Variants in CNTN6 observed in about 807,000 individuals in gnomAD.
The protein encoded by CNTN6 is contactin-6.
Under a neutral mutation model 122.8 loss-of-function variants are expected in CNTN6, and 137 were observed. The observed-to-expected ratio is 1.12, with a 90% confidence interval of 0.97 to 1.29. The LOEUF (loss-of-function observed/expected upper bound fraction) is 1.29, where lower values mean the gene tolerates loss of function less well. Ranked by LOEUF, CNTN6 falls within the 50% of genes most tolerant of loss-of-function variation. The probability of loss-of-function intolerance (pLI) is 0.00; values close to 1 mark genes in which losing one functional copy is unlikely to be tolerated. For missense variants in CNTN6, 1,634 were observed against 1,223.4 expected (o/e 1.34, Z -5.01); for synonymous variants, 570 against 426.0 (o/e 1.34, Z -4.16).
intron 12 of CNTN6, among the ~76,000 whole-genome samples, chr3:1,355,685 T>C (rs1706433313): frequency 6.6e-6 from 1 of 151,702 alleles, no homozygotes; most frequent in South Asian, 2.1e-4. Context: ...AATCAGTGTA[T>C]AGTGACCTTA....
intron 12 of CNTN6, among the ~76,000 whole-genome samples, chr3:1,371,539 C>A (rs547625376): frequency 6.6e-6 from 1 of 151,960 alleles, no homozygotes; most frequent in Admixed American, 6.6e-5. Flanking sequence ...GTAGTCATAA[C>A]GATCTACATT....
chr3:1,096,605 A>G (rs2090540669), intron 1 of CNTN6, among the ~76,000 whole-genome samples: 2 of 152,230 alleles, frequency 1.3e-5, no homozygotes, highest in African/African-American at 4.8e-5. Flanking sequence ...TGAATAGTAT[A>G]GCTTGCAATA....
intron 4 of CNTN6, among the ~76,000 whole-genome samples, chr3:1,268,671 A>C (rs1020960659): frequency 6.6e-6 from 1 of 151,374 alleles, no homozygotes; most frequent in African/African-American, 2.4e-5. Flanking sequence ...CATATTTTTG[A>C]CTTTAGGTCT....
chr3:1,230,682 C>A (rs538362044), intron 4 of CNTN6, among the ~76,000 whole-genome samples: 1 of 152,302 alleles, frequency 6.6e-6, no homozygotes, highest in East Asian at 1.9e-4. Context: ...CTGAGGCTCA[C>A]TGATATTGGG....
intron 2 of CNTN6, among the ~76,000 whole-genome samples, chr3:1,159,037 A>T (rs1575065160): frequency 6.7e-6 from 1 of 149,618 alleles, no homozygotes; most frequent in East Asian, 2.0e-4. Context: ...CCTTTTGCTT[A>T]AGACTCCCAA....
At chr3:1,131,265 T>C (rs944656195) in intron 1 of CNTN6, among the ~76,000 whole-genome samples, 1 of 152,096 alleles carries the variant, frequency 6.6e-6, no homozygotes, top group Non-Finnish European at 1.5e-5. Flanking sequence ...TATCCATGAC[T>C]AGTCACATAA....
chr3:1,374,012 C>T lies in CNTN6; in HGVS notation c.2034C>T (p.Gly678=). ...WVEYEFRVVA[G]NSIGIGEPSE... is the part of the protein sequence containing the mutation. ...AATATGAATTTCGTGTTGTTGCCGG[C>T]AACAGCATTGGGATTGGAGAACCAA... Residue 678 remains glycine, a synonymous_variant, in exon 16 of 23, where the codon GGC becomes GGT. Coordinates refer to ENST00000446702, the MANE Select transcript of CNTN6 (RefSeq NM_001289080.2). 6.2e-7 allele frequency: 1 copy of T among 1,613,112 alleles called. No homozygotes were observed. Among genetic ancestry groups the T allele is most frequent in the South Asian group, 1.1e-5 (1 of 91,066 alleles).
chr3:1,152,103 G>A (rs58517426), intron 2 of CNTN6, among the ~76,000 whole-genome samples: 31,608 of 151,908 alleles, frequency 0.21, 5,723 homozygotes, highest in African/African-American at 0.48. Context: ...GTTTTCATGA[G>A]GAAATATTTT....
chr3:1,181,452 C>A (rs1328145315), intron 2 of CNTN6, among the ~76,000 whole-genome samples: 1 of 152,142 alleles, frequency 6.6e-6, no homozygotes, highest in Admixed American at 6.6e-5. Flanking sequence ...TTATTTCATC[C>A]TGTTTTACAT....
At position 1,403,519 on chromosome 3, in the gene CNTN6, T is replaced by A. The variant is rs917030181; in HGVS notation, c.*101T>A. 10 of 572,906 alleles carry A rather than the reference T, an allele frequency of 1.7e-5. No individual in the cohort carries two copies. Among genetic ancestry groups the A allele is most frequent in the Non-Finnish European group, 3.0e-5 (10 of 337,154 alleles). The allele number at this position is 572,906 out of a possible 1,614,324, so 35.5% of individuals were successfully genotyped here. ...AAGATGCGTTCTTAATACAGACTTGTTTGCAAAGAAAAAAAAAAGTATATT... is the reference window on the plus strand; with the variant it reads ...AAGATGCGTTCTTAATACAGACTTGATTGCAAAGAAAAAAAAAAGTATATT... On this transcript the variant is annotated 3_prime_UTR_variant, in exon 23 of 23. Coordinates refer to ENST00000446702, the MANE Select transcript of CNTN6 (RefSeq NM_001289080.2).
At chr3:1,296,146 A>G (rs970454757) in intron 6 of CNTN6, among the ~76,000 whole-genome samples, 1 of 152,060 alleles carries the variant, frequency 6.6e-6, no homozygotes, top group Non-Finnish European at 1.5e-5. Flanking sequence ...ATATAACTGA[A>G]TCAATATATT....
chr3:1,352,374 C>G lies in CNTN6; in HGVS notation c.1415C>G (p.Ser472Ter). 3 of 1,592,224 alleles carry G rather than the reference C, an allele frequency of 1.9e-6. No homozygotes were observed. The highest frequency in any genetic ancestry group is 2.3e-5 in the East Asian group (1 of 44,062). Residue 472 changes from serine (S) to a stop codon, truncating the protein, a stop_gained, in exon 12 of 23, where the codon TCA becomes TGA. Coordinates refer to ENST00000446702, the MANE Select transcript of CNTN6 (RefSeq NM_001289080.2). LOFTEE classifies it high-confidence loss of function. The stretch of plus-strand genomic sequence containing the variant: ...CTCAAGATATATAATATTACCAGGT[C>G]AGATGCTGGATCATATACATGCATA... ...GSLKIYNITR[S>*]DAGSYTCIAT...
At chr3:1,260,762 C>G (rs1330295059) in intron 4 of CNTN6, among the ~76,000 whole-genome samples, 2 of 151,924 alleles carry the variant, frequency 1.3e-5, no homozygotes, top group Non-Finnish European at 2.9e-5. Context: ...AGGGGCTTTT[C>G]TCCTTTTGCT....
chr3:1,123,942 A>G (rs1220229359), intron 1 of CNTN6, among the ~76,000 whole-genome samples: 1 of 151,994 alleles, frequency 6.6e-6, no homozygotes, highest in African/African-American at 2.4e-5. Flanking sequence ...TGATATGATC[A>G]TATGAGGTTT....
chr3:1,314,628 G>C (rs1208747395), intron 7 of CNTN6, among the ~76,000 whole-genome samples: 1 of 152,050 alleles, frequency 6.6e-6, no homozygotes, highest in Non-Finnish European at 1.5e-5. Context: ...TAGGTCAGAT[G>C]GTTAAGAAGT....
At position 1,271,725 on chromosome 3, in the gene CNTN6, C is replaced by T. The variant is rs569991804; in HGVS notation, c.359-6688C>T. 1.3e-4 allele frequency among the ~76,000 whole-genome samples: 20 copies of T among 152,266 alleles called. No individual in the cohort carries two copies. The South Asian group carries it at 4.1e-3, about 32-fold the overall frequency. ...CTACAAATTCTTGGGGGAGAGAAAG[C>T]ACCTTTACCCCTCCGCTAGCAATTT... On this transcript the variant is annotated intron_variant, in intron 4 of 22. Transcript: ENST00000446702.
intron 2 of CNTN6, among the ~76,000 whole-genome samples, chr3:1,166,471 T>C (rs1324338376): frequency 6.6e-6 from 1 of 152,172 alleles, no homozygotes; most frequent in Non-Finnish European, 1.5e-5. Flanking sequence ...TCTGGTCAAA[T>C]GGCAGAGATG....
intron 16 of CNTN6, among the ~76,000 whole-genome samples, chr3:1,376,663 T>C (rs1455738741): frequency 6.6e-6 from 1 of 152,154 alleles, no homozygotes; most frequent in Non-Finnish European, 1.5e-5. Context: ...TGTTTACAGC[T>C]CAACTGTATA....
At chr3:1,294,113 A>G (rs1695799356) in intron 5 of CNTN6, among the ~76,000 whole-genome samples, 1 of 152,164 alleles carries the variant, frequency 6.6e-6, no homozygotes, top group African/African-American at 2.4e-5. Flanking sequence ...TCTAACCAAG[A>G]AAAATAAAAA....
Sources: allele counts gnomAD v4.1 joint callset (sites outside exome capture counted in the v4.1 genomes callset), GRCh38; gene constraint gnomAD v4.1.1; transcripts MANE v1.5; gene names NCBI Gene and HGNC (gene_info 2026-07-23, HGNC 2026-07-21).